SLC25A24: variants seen among roughly 807,000 people sequenced by gnomAD.
The protein encoded by SLC25A24 is solute carrier family 25 member 24, also known as mitochondrial adenyl nucleotide antiporter SLC25A24.
A neutral mutation model predicts 60.7 loss-of-function variants in SLC25A24; 49 were observed. The observed-to-expected ratio is 0.81, with a 90% confidence interval of 0.64 to 1.02. SLC25A24 has a LOEUF of 1.02. SLC25A24 is among the 50% of genes least tolerant of loss of function. SLC25A24 has a pLI of 0.00. For missense variants in SLC25A24, 564 were observed against 586.3 expected (o/e 0.96, Z 0.39); for synonymous variants, 202 against 200.6 (o/e 1.01, Z -0.06).
intron 3 of SLC25A24, among the ~76,000 whole-genome samples, chr1:108,171,067 A>C (rs1647443709): frequency 1.3e-5 from 2 of 152,082 alleles, no homozygotes; most frequent in South Asian, 2.1e-4. Flanking sequence ...CTTTCTAATT[A>C]TCTCATTCTT....
At chr1:108,169,184 T>C (rs535234672) in intron 3 of SLC25A24, among the ~76,000 whole-genome samples, 1 of 152,368 alleles carries the variant, frequency 6.6e-6, no homozygotes, top group South Asian at 2.1e-4. Context: ...TCTGTTTCTG[T>C]AGAAACAGCA....
chr1:108,198,094 G>A (rs1449934624), intron 1 of SLC25A24, among the ~76,000 whole-genome samples: 1 of 152,172 alleles, frequency 6.6e-6, no homozygotes. Context: ...TGACACAGCA[G>A]GAAAGCCCTC....
intron 7 of SLC25A24, among the ~76,000 whole-genome samples, chr1:108,143,973 C>G (rs976489820): frequency 1.3e-5 from 2 of 152,100 alleles, no homozygotes; most frequent in Admixed American, 6.6e-5. Context: ...GATGTCTTAA[C>G]AAAACTGACT....
In SLC25A24 at chr1:108,139,118, T is replaced by G. The variant is rs774416139; in HGVS notation, c.1189A>C (p.Thr397Pro). 107 of 1,610,744 alleles carry G rather than the reference T, an allele frequency of 6.6e-5. No homozygotes were observed. The highest frequency in any genetic ancestry group is 8.7e-5 in the Non-Finnish European group (102 of 1,178,594). The change falls in exon 9 of 10, where the codon ACC becomes CCC. Residue 397 changes from threonine to proline, a missense_variant. Thr to Pro is a conservative substitution (Grantham distance 38, BLOSUM62 -1). Coordinates refer to ENST00000565488, the MANE Select transcript of SLC25A24 (RefSeq NM_013386.5). ...GGGTAGCTGGCCAGCTGACCACAGG[T>G]GCTGGATAAGGCACCGCATCCCAGC... ...VLLGCGALSS[T>P]CGQLASYPLA...
intron 6 of SLC25A24, among the ~76,000 whole-genome samples, chr1:108,154,073 A>ATTTTTTTTTTT (rs3043351): frequency 1.5e-5 from 2 of 133,484 alleles, no homozygotes; most frequent in African/African-American, 5.7e-5. Flanking sequence ...ATTTTCTTTA[A>ATTTTTTTTTTT]TTTTTTTTTT....
intron 3 of SLC25A24, among the ~76,000 whole-genome samples, chr1:108,173,593 C>A (rs897709111): frequency 2.6e-5 from 4 of 152,062 alleles, no homozygotes; most frequent in African/African-American, 9.7e-5. Flanking sequence ...TAAGGATACC[C>A]AAAAATATGG....
At chr1:108,197,980 A>T (rs1187831968) in intron 1 of SLC25A24, among the ~76,000 whole-genome samples, 1 of 152,132 alleles carries the variant, frequency 6.6e-6, no homozygotes. Context: ...TTCCCTCAGT[A>T]ATGGATCAGT....
rs1013234667 is a variant in SLC25A24 at position 108,143,563 on chromosome 1, T to C, written c.1078A>G (p.Ile360Val). ...CTCACCTCATACACAGCAAGATCTA[T>C]GCCTGCATAAGGTATGATACCTAAT... is the stretch of plus-strand genomic sequence containing the variant. Reference protein sequence around the residue: ...NLLGIIPYAGIDLAVYELLKS... With the variant: ...NLLGIIPYAGVDLAVYELLKS... Residue 360 changes from isoleucine to valine, a missense_variant, in exon 8 of 10, where the codon ATA becomes GTA. By Grantham distance (29) the Ile-to-Val change is conservative. Coordinates refer to ENST00000565488, the MANE Select transcript of SLC25A24 (RefSeq NM_013386.5). 1.2e-6 allele frequency: 2 copies of C among 1,612,894 alleles called. No individual in the cohort carries two copies. Among genetic ancestry groups the C allele is most frequent in the Non-Finnish European group, 1.7e-6 (2 of 1,179,570 alleles).
intron 3 of SLC25A24, among the ~76,000 whole-genome samples, chr1:108,171,642 G>A (rs1004530794): frequency 4.6e-5 from 7 of 152,080 alleles, no homozygotes; most frequent in Non-Finnish European, 7.4e-5. Context: ...TTATTGCAAC[G>A]TGGTGGACAT....
chr1:108,136,490 T>A lies in SLC25A24; in HGVS notation c.*163A>T. ...ATGATTTTGAACATTTCTGTGTACA[T>A]ATAATTTAGCCCAAAAGTTTGAAGT... On this transcript the variant is annotated 3_prime_UTR_variant, in exon 10 of 10. Coordinates refer to ENST00000565488, the MANE Select transcript of SLC25A24 (RefSeq NM_013386.5). 1 of 600,658 alleles carries A rather than the reference T, an allele frequency of 1.7e-6. No homozygotes were observed. 37.2% of individuals were successfully genotyped at this position (600,658 alleles called of 1,614,324 possible).
At position 108,197,890 on chromosome 1, in the gene SLC25A24, C is replaced by T. The variant is rs144112361; in HGVS notation, c.183+2066G>A. On this transcript the variant is annotated intron_variant, in intron 1 of 9. Coordinates refer to ENST00000565488, the MANE Select transcript of SLC25A24 (RefSeq NM_013386.5). ...GACCTAGCAGGAGGTGTCAGGGTTA[C>T]GGAGGCAGATCCCTCATGAATGGCT... Among the ~76,000 whole-genome samples the T allele has an allele frequency of 5.5e-4, 84 of 152,294 alleles. 1 individual carries two copies. Among genetic ancestry groups the T allele is most frequent in the African/African-American group, 1.5e-3 (63 of 41,568 alleles).
In SLC25A24 at chr1:108,143,679, G is replaced by A. The variant is rs373861584; in HGVS notation, c.962C>T (p.Thr321Ile). Residue 321 changes from threonine (T) to isoleucine (I), a missense_variant, in exon 8 of 10, where the codon ACT becomes ATT. Thr to Ile is a moderately conservative substitution (Grantham distance 89, BLOSUM62 -1). Coordinates refer to ENST00000565488, the MANE Select transcript of SLC25A24 (RefSeq NM_013386.5). Reference sequence around the variant, plus strand: ...ATCATATATTCCAGAGTACTGCCCAGTTTTGCCTACAGCCAGCCTGGTTTT... The same window carrying A: ...ATCATATATTCCAGAGTACTGCCCAATTTTGCCTACAGCCAGCCTGGTTTT... ...VMKTRLAVGKTGQYSGIYDCA... is the reference protein window; with the variant it reads ...VMKTRLAVGKIGQYSGIYDCA... 3.7e-6 allele frequency: 6 copies of A among 1,612,010 alleles called. No homozygotes were observed. Among genetic ancestry groups the A allele is most frequent in the Non-Finnish European group, 5.1e-6 (6 of 1,179,400 alleles).
intron 6 of SLC25A24, 42 bp downstream of exon 6, chr1:108,154,941 A>G (rs780408418): frequency 4.1e-6 from 6 of 1,473,858 alleles, no homozygotes; most frequent in Non-Finnish European, 5.6e-6. Flanking sequence ...TCCGTTTACT[A>G]ACTCCTCTTT....
intron 3 of SLC25A24, among the ~76,000 whole-genome samples, chr1:108,175,938 C>T (rs893271551): frequency 6.6e-6 from 1 of 152,140 alleles, no homozygotes. Flanking sequence ...TAAGTGCCTA[C>T]TTCTTCAAAT....
At chr1:108,180,995 T>C (rs1451156308) in intron 3 of SLC25A24, among the ~76,000 whole-genome samples, 1 of 152,258 alleles carries the variant, frequency 6.6e-6, no homozygotes, top group Non-Finnish European at 1.5e-5. Context: ...CAGAATATTA[T>C]ATGCTCTATA....
At chr1:108,157,392 T>C in intron 5 of SLC25A24, 70 bp downstream of exon 5, 1 of 1,478,078 alleles carries the variant, frequency 6.8e-7, no homozygotes, top group African/African-American at 1.4e-5. Flanking sequence ...AACTTCTTTT[T>C]CAAAGCACCA....
chr1:108,190,864 G>C (rs1463100138), intron 1 of SLC25A24, among the ~76,000 whole-genome samples: 3 of 138,260 alleles, frequency 2.2e-5, no homozygotes, highest in Admixed American at 8.2e-5. Context: ...TGTGTGGTTG[G>C]TGCAGAATTC....
intron 3 of SLC25A24, among the ~76,000 whole-genome samples, chr1:108,166,489 G>A (rs1439742577): frequency 1.3e-4 from 20 of 151,806 alleles, no homozygotes; most frequent in Non-Finnish European, 1.0e-4. Flanking sequence ...GGCTTTGCTC[G>A]TTTCTTTTTA....
rs187699990 is a variant in SLC25A24, at chr1:108,143,669, G to C, written c.972C>G (p.Tyr324Ter). The change falls in exon 8 of 10, where the codon TAC (tyrosine) becomes TAG (stop). Residue 324 changes from tyrosine (Y) to a stop codon, truncating the protein, a stop_gained. Coordinates refer to ENST00000565488, the MANE Select transcript of SLC25A24 (RefSeq NM_013386.5). LOFTEE classifies it high-confidence loss of function. ...TRLAVGKTGQ[Y>*]SGIYDCAKKI... Reference sequence around the variant, plus strand: ...TCTTGGCACAATCATATATTCCAGAGTACTGCCCAGTTTTGCCTACAGCCA... The same window carrying C: ...TCTTGGCACAATCATATATTCCAGACTACTGCCCAGTTTTGCCTACAGCCA... The C allele has an allele frequency of 1.2e-6, 2 of 1,613,228 alleles. No homozygotes were observed. Among genetic ancestry groups the C allele is most frequent in the East Asian group, 4.5e-5 (2 of 44,868 alleles).
Sources: allele counts gnomAD v4.1 joint callset (sites outside exome capture counted in the v4.1 genomes callset), GRCh38; gene constraint gnomAD v4.1.1; transcripts MANE v1.5; gene names NCBI Gene and HGNC (gene_info 2026-07-23, HGNC 2026-07-21).